CCDC85A: variants seen among roughly 807,000 people sequenced by gnomAD.
CCDC85A encodes coiled-coil domain-containing protein 85A.
A neutral mutation model predicts 50.2 loss-of-function variants in CCDC85A; 38 were observed. That is an observed-to-expected ratio of 0.76 (90% CI 0.58 to 0.99). The LOEUF (loss-of-function observed/expected upper bound fraction) is 0.99, where lower values mean the gene tolerates loss of function less well. Ranked by LOEUF, CCDC85A falls within the 50% of genes least tolerant of loss-of-function variation. CCDC85A has a pLI of 0.00. For missense variants in CCDC85A, 820 were observed against 742.0 expected (o/e 1.11, Z -1.22); for synonymous variants, 366 against 301.4 (o/e 1.21, Z -2.22).
chr2:56,199,340 C>T (rs745654713), intron 2 of CCDC85A, among the ~76,000 whole-genome samples: 5 of 151,976 alleles, frequency 3.3e-5, no homozygotes, highest in Admixed American at 2.0e-4. Flanking sequence ...GGATGTTAGT[C>T]GATCTCCACT....
chr2:56,261,876 C>G (rs1191092829), intron 2 of CCDC85A, among the ~76,000 whole-genome samples: 1 of 152,156 alleles, frequency 6.6e-6, no homozygotes, highest in Non-Finnish European at 1.5e-5. Flanking sequence ...TGCACTTTAG[C>G]TCTCAACTGC....
intron 1 of CCDC85A, among the ~76,000 whole-genome samples, chr2:56,187,578 A>G (rs1035134756): frequency 6.6e-6 from 1 of 152,194 alleles, no homozygotes; most frequent in Admixed American, 6.5e-5. Flanking sequence ...TCATCTGCTC[A>G]TGGGGATTTT....
intron 2 of CCDC85A, among the ~76,000 whole-genome samples, chr2:56,342,137 C>G (rs1674403466): frequency 6.6e-6 from 1 of 151,508 alleles, no homozygotes. Context: ...GCCTATTATT[C>G]TGAGGCTGGT....
At chr2:56,312,592 T>C (rs867567587) in intron 2 of CCDC85A, among the ~76,000 whole-genome samples, 79 of 152,298 alleles carry the variant, frequency 5.2e-4, no homozygotes, top group African/African-American at 1.7e-3. Flanking sequence ...TATGACATTA[T>C]AGACCATATC....
At chr2:56,187,219 C>T (rs766997908) in intron 1 of CCDC85A, among the ~76,000 whole-genome samples, 17 of 152,118 alleles carry the variant, frequency 1.1e-4, no homozygotes, top group African/African-American at 3.6e-4. Context: ...CGTGGGGGAG[C>T]GTCTGAGGGC....
intron 2 of CCDC85A, among the ~76,000 whole-genome samples, chr2:56,264,318 C>T (rs1373337858): frequency 6.6e-6 from 1 of 152,068 alleles, no homozygotes; most frequent in African/African-American, 2.4e-5. Context: ...TAAAATCAAG[C>T]TTCTAATATT....
intron 1 of CCDC85A, among the ~76,000 whole-genome samples, chr2:56,185,361 C>A (rs1046948522): frequency 6.6e-6 from 1 of 152,160 alleles, no homozygotes; most frequent in Non-Finnish European, 1.5e-5. Context: ...GGCGCCACTG[C>A]CAGGGAGAGC....
intron 2 of CCDC85A, among the ~76,000 whole-genome samples, chr2:56,273,195 A>G (rs966494243): frequency 6.6e-6 from 1 of 152,140 alleles, no homozygotes; most frequent in African/African-American, 2.4e-5. Flanking sequence ...AGATAAGAAA[A>G]CTAGGAGATC....
chr2:56,343,292 G>C (rs935693383), intron 3 of CCDC85A, among the ~76,000 whole-genome samples: 2 of 152,194 alleles, frequency 1.3e-5, no homozygotes. Flanking sequence ...GGTGGATATA[G>C]GGAAGGTAAT....
At chr2:56,279,578 C>T (rs1671114058) in intron 2 of CCDC85A, among the ~76,000 whole-genome samples, 1 of 152,176 alleles carries the variant, frequency 6.6e-6, no homozygotes. Context: ...CCTTCCTCTG[C>T]TCTAACCACC....
chr2:56,329,871 C>T (rs747951545), intron 2 of CCDC85A, among the ~76,000 whole-genome samples: 9 of 147,570 alleles, frequency 6.1e-5, no homozygotes, highest in South Asian at 2.1e-4. Flanking sequence ...TAAAAAGGCA[C>T]GCTAATTGTC....
chr2:56,279,337 T>C (rs1430138302), intron 2 of CCDC85A, among the ~76,000 whole-genome samples: 3 of 152,084 alleles, frequency 2.0e-5, no homozygotes, highest in African/African-American at 7.2e-5. Context: ...GTTCACAGAG[T>C]TGTACAACCA....
intron 2 of CCDC85A, among the ~76,000 whole-genome samples, chr2:56,212,915 T>C (rs1573032974): frequency 6.6e-6 from 1 of 152,140 alleles, no homozygotes; most frequent in South Asian, 2.1e-4. Context: ...ATAGTGGCTG[T>C]TGATAAGTGT....
rs564652148 is a variant in CCDC85A at position 56,189,352 on chromosome 2, C to T, written c.277-3125C>T. Among the ~76,000 whole-genome samples, 28 of 138,862 alleles carry T rather than the reference C, an allele frequency of 2.0e-4. 1 individual carries two copies. Among genetic ancestry groups the T allele is most frequent in the African/African-American group, 6.4e-4 (23 of 36,206 alleles). The allele number at this position is 138,862 out of a possible 152,430, so 91.1% of individuals were successfully genotyped here. ...CTCTGTTGCCCAGGCTGTAGTGTAT[C>T]GTGATCTTGGCTCACTGCAGCCTCC... is the stretch of plus-strand genomic sequence containing the variant. On this transcript the variant is annotated intron_variant, in intron 1 of 5. Transcript: ENST00000407595.
intron 2 of CCDC85A, among the ~76,000 whole-genome samples, chr2:56,265,621 C>A (rs1670405801): frequency 3.3e-5 from 5 of 152,044 alleles, no homozygotes; most frequent in Admixed American, 2.6e-4. Context: ...GTTATATTGG[C>A]TATTATCGAA....
At chr2:56,340,731 C>T (rs1674320266) in intron 2 of CCDC85A, among the ~76,000 whole-genome samples, 1 of 151,858 alleles carries the variant, frequency 6.6e-6, no homozygotes. Flanking sequence ...CAAAAAATAG[C>T]CAGGCGTGGT....
At chr2:56,248,098 C>G (rs1669589404) in intron 2 of CCDC85A, among the ~76,000 whole-genome samples, 1 of 152,120 alleles carries the variant, frequency 6.6e-6, no homozygotes, top group African/African-American at 2.4e-5. Flanking sequence ...GTGATATTAC[C>G]CGGATGGCTA....
intron 5 of CCDC85A, among the ~76,000 whole-genome samples, chr2:56,381,055 C>T (rs1558668341): frequency 1.3e-5 from 2 of 151,982 alleles, no homozygotes; most frequent in Non-Finnish European, 2.9e-5. Context: ...TACATAAGTC[C>T]CCTGGGCATT....
intron 5 of CCDC85A, among the ~76,000 whole-genome samples, chr2:56,376,916 G>T (rs1280582215): frequency 6.6e-6 from 1 of 152,164 alleles, no homozygotes; most frequent in Non-Finnish European, 1.5e-5. Context: ...GCCTGGAGAT[G>T]CACTCCTCTT....
Sources: allele counts gnomAD v4.1 joint callset (sites outside exome capture counted in the v4.1 genomes callset), GRCh38; gene constraint gnomAD v4.1.1; transcripts MANE v1.5; gene names NCBI Gene and HGNC (gene_info 2026-07-23, HGNC 2026-07-21).